Variants in ARHGEF17 observed in about 807,000 individuals in gnomAD.
ARHGEF17 encodes the protein 164 kDa Rho-specific guanine-nucleotide exchange factor.
ARHGEF17 carries 80 observed loss-of-function variants against 174.0 expected under a neutral mutation model. The ratio of observed to expected loss-of-function variants is 0.46; its 90% confidence interval spans 0.38 to 0.55. The LOEUF (loss-of-function observed/expected upper bound fraction) is 0.55. Among genes scored for constraint, ARHGEF17 ranks in the 20% least tolerant of loss-of-function variants. ARHGEF17 has a pLI of 0.00. For synonymous variants in ARHGEF17, 1,311 were observed against 1,189.1 expected (o/e 1.10, Z -2.11); for missense variants, 2,886 against 2,839.7 (o/e 1.02, Z -0.37).
rs748289705 is a variant in ARHGEF17 at position 73,368,883 on chromosome 11, C to G, written c.*1103C>G. On this transcript the variant is annotated 3_prime_UTR_variant, in exon 21 of 21. Transcript: ENST00000263674. ...CTGGACCACAGAGAGCCACTCTGAC[C>G]CTCAGCCCCCTCGCTTCTTCAGCTA... 6.6e-6 allele frequency: 1 copy of G among 152,218 alleles called. No homozygotes were observed. Among genetic ancestry groups the G allele is most frequent in the Non-Finnish European group, 1.5e-5 (1 of 68,080 alleles). The allele number at this position is 152,218 out of a possible 1,614,324, so 9.4% of individuals were successfully genotyped here. A position where few individuals can be genotyped will look rare whatever the true frequency, so the allele number is the denominator to read the frequency against.
chr11:73,366,905 T>G (rs2134425510), intron 20 of ARHGEF17, among the ~76,000 whole-genome samples: 1 of 152,166 alleles, frequency 6.6e-6, no homozygotes, highest in Middle Eastern at 3.4e-3. Flanking sequence ...CTGGGTGTGG[T>G]GGCGGGCGCC....
chr11:73,346,809 G>A (rs1865468571), intron 1 of ARHGEF17, 74 bp from the exon 2 acceptor site: 2 of 1,206,736 alleles, frequency 1.7e-6, no homozygotes, highest in Non-Finnish European at 2.2e-6. Flanking sequence ...GGTTCTCTGG[G>A]CACCATGTGG....
chr11:73,332,630 C>T (rs1426839317), intron 1 of ARHGEF17, among the ~76,000 whole-genome samples: 1 of 151,922 alleles, frequency 6.6e-6, no homozygotes, highest in Admixed American at 6.6e-5. Context: ...GGGCTGCTCC[C>T]GGGGTCACTC....
chr11:73,309,407 G>C lies in ARHGEF17; in HGVS notation c.769G>C (p.Gly257Arg), dbSNP rs1474354412. 1.3e-6 allele frequency: 2 copies of C among 1,553,710 alleles called. No homozygotes were observed. The highest frequency in any genetic ancestry group is 3.8e-5 in the Admixed American group (2 of 52,804). ...CAGCTCCAGCGAGGAGGAAGAGGAG[G>C]GCCCGCCGCAGCTGCCTGGAGCCCA... ...AASSSEEEEE[G>R]PPQLPGAQSP... The change falls in exon 1 of 21, where the codon GGC becomes CGC. Residue 257 changes from glycine (G) to arginine (R), a missense_variant. Gly to Arg is a moderately radical substitution (Grantham distance 125, BLOSUM62 -2). This residue lies in a region of ARHGEF17 where 1,728 missense variants were observed against 1,461.2 expected (regional missense o/e 1.18). Transcript: ENST00000263674.
rs957284488 is a variant in ARHGEF17, at chr11:73,311,218, C to G, written c.2580C>G (p.Ser860=). ...IREVEPMLPP[S]SSEPILVEQR... ...AAGTTGAGCCCATGCTGCCTCCATC[C>G]AGCAGCGAGCCCATCCTTGTAGAGC... Residue 860 remains serine, a synonymous_variant, in exon 1 of 21, where the codon TCC becomes TCG. Transcript: ENST00000263674. 6.9e-6 allele frequency: 11 copies of G among 1,605,046 alleles called. No homozygotes were observed. The African/African-American group carries it at 1.5e-4, about 21-fold the overall frequency.
intron 2 of ARHGEF17, among the ~76,000 whole-genome samples, chr11:73,348,608 G>T (rs946430680): frequency 1.1e-4 from 16 of 152,232 alleles, no homozygotes; most frequent in Non-Finnish European, 1.9e-4. Context: ...CCAGGGAAAG[G>T]GTGCCAGGCT....
rs770955437 is a variant in ARHGEF17 at position 73,310,419 on chromosome 11, A to G, written c.1781A>G (p.Glu594Gly). 6.2e-7 allele frequency: 1 copy of G among 1,613,968 alleles called. No homozygotes were observed. The highest frequency in any genetic ancestry group is 8.5e-7 in the Non-Finnish European group (1 of 1,180,030). ...ATCGTCCAGGACCAATATGTGCAGGAGGCCCGCCAGGTTTTTGAGAAGATC... is the reference window on the plus strand; with the variant it reads ...ATCGTCCAGGACCAATATGTGCAGGGGGCCCGCCAGGTTTTTGAGAAGATC... ...PLIVQDQYVQ[E>G]ARQVFEKIQR... Residue 594 changes from glutamate (E) to glycine (G), a missense_variant, in exon 1 of 21, where the codon GAG becomes GGG. This residue lies in a region of ARHGEF17 where 1,728 missense variants were observed against 1,461.2 expected (regional missense o/e 1.18). Transcript: ENST00000263674.
intron 1 of ARHGEF17, among the ~76,000 whole-genome samples, chr11:73,319,522 T>A (rs1276557368): frequency 6.6e-6 from 1 of 152,218 alleles, no homozygotes; most frequent in Non-Finnish European, 1.5e-5. Context: ...AGCATGAGGA[T>A]GTAATGCCAG....
intron 3 of ARHGEF17, among the ~76,000 whole-genome samples, chr11:73,353,867 T>C (rs1179633920): frequency 6.6e-6 from 1 of 152,250 alleles, no homozygotes; most frequent in Admixed American, 6.5e-5. Flanking sequence ...CATTGTTAAA[T>C]TTAGTATTTA....
intron 1 of ARHGEF17, among the ~76,000 whole-genome samples, chr11:73,331,744 G>A (rs1865207053): frequency 6.6e-6 from 1 of 152,160 alleles, no homozygotes; most frequent in African/African-American, 2.4e-5. Context: ...AGAGAGAGAG[G>A]GATAGAGGTG....
At chr11:73,338,726 G>A (rs79078097) in intron 1 of ARHGEF17, among the ~76,000 whole-genome samples, 21,579 of 151,748 alleles carry the variant, frequency 0.14, 1,978 homozygotes, top group African/African-American at 0.26. Flanking sequence ...CAGGCCAGGG[G>A]AGGTGGAGTG....
chr11:73,346,448 T>C (rs939011761), intron 1 of ARHGEF17, among the ~76,000 whole-genome samples: 15 of 152,204 alleles, frequency 9.9e-5, no homozygotes, highest in Non-Finnish European at 4.4e-5. Context: ...CCCAGCCAGG[T>C]GGGCATGTCC....
At chr11:73,332,383 GTGTGTGTGTGTGTGTGTGTGTGTGTA>G (rs1358627925) in intron 1 of ARHGEF17, among the ~76,000 whole-genome samples, 35 of 139,566 alleles carry the variant, frequency 2.5e-4, no homozygotes, top group Non-Finnish European at 1.6e-4. Flanking sequence ...GTGTGTGTGT[GTGTGTGTGTGTGTGTGTGTGTGTGTA>G]TTTTAAATAA....
intron 10 of ARHGEF17, 77 bp from the exon 11 acceptor site, chr11:73,360,243 A>G: frequency 6.7e-7 from 1 of 1,503,278 alleles, no homozygotes; most frequent in South Asian, 1.1e-5. Flanking sequence ...GGAGAGAGGC[A>G]GGTCCCCACA....
intron 1 of ARHGEF17, among the ~76,000 whole-genome samples, chr11:73,333,812 G>A (rs1448802426): frequency 1.3e-5 from 2 of 152,178 alleles, no homozygotes; most frequent in Non-Finnish European, 2.9e-5. Context: ...TTCTAGCTCA[G>A]CTGACTGTCT....
At chr11:73,315,411 C>T (rs1014685197) in intron 1 of ARHGEF17, among the ~76,000 whole-genome samples, 1 of 152,216 alleles carries the variant, frequency 6.6e-6, no homozygotes, top group African/African-American at 2.4e-5. Flanking sequence ...CCCCTCCCTA[C>T]CCAGCCAGCT....
At chr11:73,357,841 C>T (rs1488344194) in intron 9 of ARHGEF17, among the ~76,000 whole-genome samples, 1 of 152,174 alleles carries the variant, frequency 6.6e-6, no homozygotes, top group African/African-American at 2.4e-5. Flanking sequence ...CTGAGTCTGC[C>T]CTGTTCTCAC....
At chr11:73,341,349 G>C (rs1865365195) in intron 1 of ARHGEF17, among the ~76,000 whole-genome samples, 1 of 152,136 alleles carries the variant, frequency 6.6e-6, no homozygotes, top group South Asian at 2.1e-4. Flanking sequence ...GGAGTGCAAT[G>C]GTGCGACCTC....
rs1591766146 is a variant in ARHGEF17, at chr11:73,365,808, T to C, written c.5856T>C (p.Thr1952=). 1 of 1,613,656 alleles carries C rather than the reference T, an allele frequency of 6.2e-7. No homozygotes were observed. The highest frequency in any genetic ancestry group is 8.5e-7 in the Non-Finnish European group (1 of 1,180,036). ...TCACCATGCCCACTTCGCCCGGTAC[T>C]GTCAGCTGCCCACGGGCACCACTCA... The part of the protein sequence containing the change: ...VVLTMPTSPG[T]VSCPRAPLSP... Residue 1952 remains threonine (T), a synonymous_variant, in exon 20 of 21, where the codon ACT becomes ACC. Transcript: ENST00000263674. This position sits in a 1 kb window ranked among gnomAD's most constrained non-coding sequence, Gnocchi z 4.9.
Sources: allele counts gnomAD v4.1 joint callset (sites outside exome capture counted in the v4.1 genomes callset), GRCh38; gene constraint gnomAD v4.1.1; regional missense constraint gnomAD v4.1.1; non-coding constraint Gnocchi (gnomAD v3.1); transcripts MANE v1.5; gene names NCBI Gene and HGNC (gene_info 2026-07-23, HGNC 2026-07-21).